JCAD: variants seen among roughly 807,000 people sequenced by gnomAD.
The protein encoded by JCAD is junctional cadherin 5-associated protein.
Under a neutral mutation model 98.0 loss-of-function variants are expected in JCAD, and 40 were observed. The observed-to-expected ratio is 0.41, with a 90% CI of 0.32 to 0.53. JCAD has a LOEUF of 0.53. Ranked by LOEUF, JCAD falls within the 20% of genes least tolerant of loss-of-function variation. JCAD has a pLI of 0.31. For missense variants in JCAD, 1,705 were observed against 1,738.1 expected (o/e 0.98, Z 0.34); for synonymous variants, 691 against 682.3 (o/e 1.01, Z -0.20).
intron 1 of JCAD, among the ~76,000 whole-genome samples, chr10:30,095,340 G>T (rs889925413): frequency 6.6e-6 from 1 of 152,122 alleles, no homozygotes. Context: ...TCTACCCCTG[G>T]GGGAATGAGT....
chr10:30,052,444 AAG>A (rs1031047758), intron 1 of JCAD, among the ~76,000 whole-genome samples: 3 of 152,156 alleles, frequency 2.0e-5, no homozygotes, highest in Non-Finnish European at 4.4e-5. Context: ...CCCCAGGAAA[AAG>A]AGTACAGCTT....
chr10:30,063,408 GA>G (rs534887505), upstream of JCAD, among the ~76,000 whole-genome samples: 660 of 151,712 alleles, frequency 4.4e-3, 9 homozygotes, highest in South Asian at 0.045. Flanking sequence ...CTTAAAGAAA[GA>G]AAAAAAATAA....
upstream of JCAD, among the ~76,000 whole-genome samples, chr10:30,061,679 G>T (rs1000382222): frequency 2.0e-5 from 3 of 152,078 alleles, no homozygotes; most frequent in South Asian, 4.2e-4. Flanking sequence ...AGACACAAAG[G>T]CTGGGAAAAT....
intron 1 of JCAD, among the ~76,000 whole-genome samples, chr10:30,096,910 A>T (rs190029344): frequency 6.7e-4 from 102 of 152,356 alleles, no homozygotes; most frequent in African/African-American, 2.4e-3. Context: ...TTTCTTCAAT[A>T]GCATTACAGT....
At chr10:30,022,741 A>G (rs1836690467) in intron 3 of JCAD, among the ~76,000 whole-genome samples, 1 of 152,256 alleles carries the variant, frequency 6.6e-6, no homozygotes, top group South Asian at 2.1e-4. Flanking sequence ...GACGGGCCAC[A>G]TAGATGACAG....
chr10:30,042,525 C>A (rs1837262084), intron 2 of JCAD, among the ~76,000 whole-genome samples: 1 of 152,122 alleles, frequency 6.6e-6, no homozygotes, highest in Admixed American at 6.5e-5. Context: ...GTCTAAGTCT[C>A]TGCCAGCCAG....
chr10:30,093,195 G>A (rs1159433158), intron 1 of JCAD, among the ~76,000 whole-genome samples: 2 of 152,162 alleles, frequency 1.3e-5, no homozygotes, highest in Non-Finnish European at 2.9e-5. Flanking sequence ...TGTTCTTGAG[G>A]TAGATACTGA....
chr10:30,082,578 G>A (rs914788127), intron 1 of JCAD, among the ~76,000 whole-genome samples: 1 of 152,008 alleles, frequency 6.6e-6, no homozygotes, highest in African/African-American at 2.4e-5. Flanking sequence ...TAGGCCAGGT[G>A]TGGTGGCTCA....
chr10:30,053,189 T>G (rs1159606493), intron 1 of JCAD, among the ~76,000 whole-genome samples: 3 of 151,716 alleles, frequency 2.0e-5, no homozygotes, highest in African/African-American at 7.3e-5. Context: ...CTATAAGGGT[T>G]CTCCTGTTTG....
At position 30,059,169 on chromosome 10, in the gene JCAD, G is replaced by GCCGCGGC. The variant is rs1434760649; in HGVS notation, c.-60+306_-60+312dup. Among the ~76,000 whole-genome samples, 1 of 151,756 alleles carries GCCGCGGC rather than the reference G, an allele frequency of 6.6e-6. No individual in the cohort carries two copies. Among genetic ancestry groups the GCCGCGGC allele is most frequent in the Non-Finnish European group, 1.5e-5 (1 of 67,868 alleles). ...AGGGGCGACGCGAGCGCTAACGCCA[G>GCCGCGGC]CCGCGGCCCGCGGTGCCCGCCCCGG... On this transcript the variant is annotated intron_variant, in intron 1 of 3. Coordinates refer to ENST00000375377, the MANE Select transcript of JCAD (RefSeq NM_020848.4). This position sits in a 1 kb window ranked among gnomAD's most constrained non-coding sequence, Gnocchi z 5.0.
At chr10:30,057,147 C>T (rs192858993) in intron 1 of JCAD, among the ~76,000 whole-genome samples, 67 of 152,146 alleles carry the variant, frequency 4.4e-4, no homozygotes, top group Admixed American at 9.8e-4. Flanking sequence ...TTCACTCCAA[C>T]GCTCTGTGTT....
At chr10:30,039,523 T>G (rs1837198802) in intron 2 of JCAD, among the ~76,000 whole-genome samples, 1 of 152,136 alleles carries the variant, frequency 6.6e-6, no homozygotes, top group South Asian at 2.1e-4. Context: ...ATCACTTTCT[T>G]GTGGATTCCC....
intron 1 of JCAD, among the ~76,000 whole-genome samples, chr10:30,113,669 C>T (rs1297516365): frequency 6.6e-6 from 1 of 150,780 alleles, no homozygotes; most frequent in Non-Finnish European, 1.5e-5. Flanking sequence ...CATAGGGCGA[C>T]TTCTGGGCCC....
chr10:30,053,810 C>A (rs898722127), intron 1 of JCAD, among the ~76,000 whole-genome samples: 15 of 151,492 alleles, frequency 9.9e-5, no homozygotes, highest in African/African-American at 3.4e-4. Context: ...CACTTGTAAT[C>A]CCAGCACTTT....
At chr10:30,059,689 A>G (rs1241665826), upstream of JCAD, among the ~76,000 whole-genome samples, 2 of 145,654 alleles carry the variant, frequency 1.4e-5, no homozygotes, top group African/African-American at 2.8e-5. This position sits in a 1 kb window ranked among gnomAD's most constrained non-coding sequence, Gnocchi z 5.0. Flanking sequence ...CGAGCTTCCT[A>G]GGCTTTTGGG....
chr10:30,044,584 C>A (rs1342364523), intron 2 of JCAD, among the ~76,000 whole-genome samples: 2 of 151,996 alleles, frequency 1.3e-5, no homozygotes, highest in East Asian at 3.9e-4. Context: ...GGCAGCAAGA[C>A]CACAGCTGTG....
At position 30,077,368 on chromosome 10, in the gene JCAD, C is replaced by CAG. The variant is rs1838000198; in HGVS notation, n.129-7548_129-7547insCT. ...CTCAGCTCACTGCAGCCTCTGCCTC[C>CAG]TGGGTTCAAGTGATTCTCCTGCCTC... On this transcript the variant is annotated intron_variant and non_coding_transcript_variant, in intron 1 of 2. Transcript: ENST00000465712. Among the ~76,000 whole-genome samples, 4 of 152,150 alleles carry CAG rather than the reference C, an allele frequency of 2.6e-5. 1 individual carries two copies. The highest frequency in any genetic ancestry group is 2.6e-4 in the Admixed American group (4 of 15,264).
At chr10:30,047,905 G>T in intron 1 of JCAD, 34 bp from the exon 2 acceptor site, 1 of 1,393,314 alleles carries the variant, frequency 7.2e-7, no homozygotes, top group Non-Finnish European at 9.8e-7. Flanking sequence ...TTTGTGACTA[G>T]GTCTCCCTAG....
Position 30,058,374 on chromosome 10 carries a change from T to A in JCAD, c.-60+1108A>T, listed in dbSNP as rs1235420473. On this transcript the variant is annotated intron_variant, in intron 1 of 3. Coordinates refer to ENST00000375377, the MANE Select transcript of JCAD (RefSeq NM_020848.4). ...GAGGCGGGTGGAGTGCGTGCGGGGG[T>A]GGGAGAGTGGGTGTAGGTGTGGGGA... Among the ~76,000 whole-genome samples the A allele has an allele frequency of 8.0e-5, 12 of 149,678 alleles. 1 individual carries two copies. In the East Asian group the frequency reaches 2.4e-3, roughly 29 times the overall value.
Sources: gnomAD v4.1 joint callset for allele counts (sites outside exome capture counted in the v4.1 genomes callset) on GRCh38, gnomAD v4.1.1 for gene constraint, Gnocchi (gnomAD v3.1) non-coding constraint, MANE v1.5 for transcripts, NCBI Gene and HGNC (gene_info 2026-07-23, HGNC 2026-07-21) for gene names.